The following OSBPL9 variants were observed in gnomAD, a reference collection of about 807,000 sequenced individuals.
The protein encoded by OSBPL9 is oxysterol-binding protein-related protein 9.
A neutral mutation model predicts 106.6 loss-of-function variants in OSBPL9; 40 were observed. That is an observed-to-expected ratio of 0.38 (90% confidence interval 0.29 to 0.49). The LOEUF is 0.49. OSBPL9 is among the 20% of genes least tolerant of loss of function. The pLI is 0.97. For missense variants in OSBPL9, 609 were observed against 887.2 expected (o/e 0.69, Z 3.98); for synonymous variants, 269 against 295.4 (o/e 0.91, Z 0.92).
At chr1:51,605,403 C>G (rs1462267845) in intron 2 of OSBPL9, among the ~76,000 whole-genome samples, 1 of 151,960 alleles carries the variant, frequency 6.6e-6, no homozygotes, top group African/African-American at 2.4e-5. Flanking sequence ...CCAGCCTGGG[C>G]AACATAGTGA....
At chr1:51,614,191 G>A (rs371520263), upstream of OSBPL9, 9 of 152,268 alleles carry the variant, frequency 5.9e-5, no homozygotes, top group East Asian at 1.7e-3. Context: ...AAGAGAAACA[G>A]GATGCTCATT....
intron 4 of OSBPL9, among the ~76,000 whole-genome samples, chr1:51,735,427 C>A (rs1665452101): frequency 6.6e-6 from 1 of 152,212 alleles, no homozygotes; most frequent in Admixed American, 6.5e-5. Flanking sequence ...TGCCAGGGCC[C>A]ACTAGCCCGG....
chr1:51,617,403 G>A (rs1644118226), intron 1 of OSBPL9, among the ~76,000 whole-genome samples, 182 bp downstream of exon 1: 4 of 152,134 alleles, frequency 2.6e-5, no homozygotes, highest in Admixed American at 2.6e-4. Flanking sequence ...GAGGGAGAGA[G>A]GGGCGCAGCC....
Position 51,788,709 on chromosome 1 carries a change from C to T in OSBPL9, c.*920C>T, listed in dbSNP as rs948650831. Among the ~76,000 whole-genome samples the T allele has an allele frequency of 6.6e-6, 1 of 151,968 alleles. No individual in the cohort carries two copies. The highest frequency in any genetic ancestry group is 2.4e-5 in the African/African-American group (1 of 41,340). Reference sequence around the variant, plus strand: ...CATTTTATCCAAAAATGTTTTATTGCCTTAGAGGGTTTGGGAAGAGTGTGT... The same window carrying T: ...CATTTTATCCAAAAATGTTTTATTGTCTTAGAGGGTTTGGGAAGAGTGTGT... On this transcript the variant is annotated 3_prime_UTR_variant, in exon 24 of 24. Transcript: ENST00000428468.
the OSBPL9 span, among the ~76,000 whole-genome samples, chr1:51,555,816 C>T: frequency 2.0e-5 from 3 of 152,126 alleles, no homozygotes; most frequent in Non-Finnish European, 4.4e-5. Flanking sequence ...AATGATCCAC[C>T]CGCCTTGGCC....
At chr1:51,595,977 C>G (rs1056540768) in intron 1 of OSBPL9, among the ~76,000 whole-genome samples, 11 of 152,132 alleles carry the variant, frequency 7.2e-5, no homozygotes, top group Non-Finnish European at 1.6e-4. Context: ...ATTTATCAGG[C>G]CAGGCATGGT....
intron 3 of OSBPL9, among the ~76,000 whole-genome samples, chr1:51,705,512 C>CAAGCGAT (rs1012229539): frequency 5.8e-5 from 8 of 139,056 alleles, no homozygotes; most frequent in African/African-American, 2.1e-4. Flanking sequence ...CTCCCTGGTT[C>CAAGCGAT]AAGCGATTCT....
At chr1:51,578,748 T>G (rs1645201814) in intron 1 of OSBPL9, among the ~76,000 whole-genome samples, 1 of 152,216 alleles carries the variant, frequency 6.6e-6, no homozygotes, top group Non-Finnish European at 1.5e-5. Flanking sequence ...CAAAGTCCTT[T>G]CAGGGACCTG....
chr1:51,564,051 T>C, the OSBPL9 span, among the ~76,000 whole-genome samples: 1 of 234 alleles, frequency 4.3e-3, no homozygotes, highest in African/African-American at 0.011. Flanking sequence ...CGAGATCATC[T>C]CAAAAAAAAA....
chr1:51,569,227 C>T, the OSBPL9 span, among the ~76,000 whole-genome samples: 1 of 152,172 alleles, frequency 6.6e-6, no homozygotes, highest in Non-Finnish European at 1.5e-5. Context: ...AGTACAATGC[C>T]TTATTGTAGT....
intron 1 of OSBPL9, among the ~76,000 whole-genome samples, chr1:51,647,219 AT>A (rs1557634415): frequency 1.3e-5 from 2 of 152,252 alleles, no homozygotes; most frequent in Non-Finnish European, 1.5e-5. Context: ...AATATGGTAT[AT>A]TATATTGATT....
intron 10 of OSBPL9, 140 bp downstream of exon 10, chr1:51,760,920 A>T: frequency 1.2e-6 from 1 of 868,050 alleles, no homozygotes; most frequent in Non-Finnish European, 1.7e-6. Context: ...ATACAGCCAA[A>T]AGTGAACTGA....
At chr1:51,631,843 C>T (rs1645126190) in intron 1 of OSBPL9, among the ~76,000 whole-genome samples, 2 of 152,184 alleles carry the variant, frequency 1.3e-5, no homozygotes, top group African/African-American at 2.4e-5. Flanking sequence ...CAGGTCTCCC[C>T]AACTGCCATA....
chr1:51,602,699 G>A (rs1645330485), intron 2 of OSBPL9, among the ~76,000 whole-genome samples: 1 of 152,108 alleles, frequency 6.6e-6, no homozygotes, highest in Non-Finnish European at 1.5e-5. Flanking sequence ...TCCCGCCTCT[G>A]CCTCCCAAAC....
At chr1:51,696,189 C>T (rs1655980629) in intron 3 of OSBPL9, among the ~76,000 whole-genome samples, 1 of 152,108 alleles carries the variant, frequency 6.6e-6, no homozygotes, top group Non-Finnish European at 1.5e-5. Flanking sequence ...CCATGAGCAA[C>T]ATAGGTGGAG....
chr1:51,750,141 A>G lies in OSBPL9; in HGVS notation c.493-4A>G, dbSNP rs759045623. On this transcript the variant is annotated splice_region_variant and splice_polypyrimidine_tract_variant and intron_variant, in intron 7 of 23. Transcript: ENST00000428468. ...ATCCTAAAATCAGTGTTTTGTTTTT[A>G]TAGAGCATGGTAGAATCAATTAAAC... The G allele has an allele frequency of 2.5e-6, 4 of 1,592,508 alleles. No homozygotes were observed. The highest frequency in any genetic ancestry group is 3.4e-6 in the Non-Finnish European group (4 of 1,171,330).
rs374511419 is a variant in OSBPL9 at position 51,715,648 on chromosome 1, C to G, written c.318+1569C>G. On this transcript the variant is annotated intron_variant, in intron 4 of 23. Coordinates refer to ENST00000428468, the MANE Select transcript of OSBPL9 (RefSeq NM_024586.6). ...GTGGCAGATGAGATTTCCCGCCCCC[C>G]CATTGTTGGTTAGACTGACATTCAA... Among the ~76,000 whole-genome samples the G allele has an allele frequency of 1.1e-4, 17 of 152,288 alleles. 1 individual carries two copies. The highest frequency in any genetic ancestry group is 4.1e-4 in the African/African-American group (17 of 41,544).
intron 3 of OSBPL9, among the ~76,000 whole-genome samples, chr1:51,691,002 CTG>C (rs910240350): frequency 7.2e-5 from 11 of 152,192 alleles, no homozygotes; most frequent in African/African-American, 2.6e-4. Context: ...TGATAAGTAT[CTG>C]TGTATTTAAA....
At chr1:51,606,689 A>AT (rs888329290) in intron 2 of OSBPL9, among the ~76,000 whole-genome samples, 4 of 152,194 alleles carry the variant, frequency 2.6e-5, no homozygotes, top group African/African-American at 9.7e-5. Context: ...TTTAAAATAT[A>AT]TTTTTTATCC....
Sources: gnomAD v4.1 joint callset for allele counts (sites outside exome capture counted in the v4.1 genomes callset) on GRCh38, gnomAD v4.1.1 for gene constraint, MANE v1.5 for transcripts, NCBI Gene and HGNC (gene_info 2026-07-23, HGNC 2026-07-21) for gene names.